OSBPL3: variants seen among roughly 807,000 people sequenced by gnomAD.
The protein encoded by OSBPL3 is oxysterol-binding protein-related protein 3.
A neutral mutation model predicts 120.1 loss-of-function variants in OSBPL3; 65 were observed. The observed-to-expected ratio is 0.54, with a 90% CI of 0.44 to 0.67. OSBPL3 has a LOEUF of 0.67. OSBPL3 is among the 30% of genes least tolerant of loss of function. The pLI, the probability that OSBPL3 is intolerant of heterozygous loss-of-function variation, is 0.00. For synonymous variants in OSBPL3, 416 were observed against 402.6 expected (o/e 1.03, Z -0.40); for missense variants, 1,004 against 1,082.1 (o/e 0.93, Z 1.01).
rs910242754 is a variant in OSBPL3 at position 24,806,565 on chromosome 7, G to A, written c.2444+211C>T. Among the ~76,000 whole-genome samples, 5 of 152,132 alleles carry A rather than the reference G, an allele frequency of 3.3e-5. No homozygotes were observed. Among genetic ancestry groups the A allele is most frequent in the Non-Finnish European group, 5.9e-5 (4 of 68,022 alleles). ...TTTTTGGCATTTCAATGCAAATGGG[G>A]CTTTACAGATAATAAAGGCCATGCC... On this transcript the variant is annotated intron_variant, in intron 21 of 22. Transcript: ENST00000313367. The surrounding 1 kb of genome is among the most constrained non-coding windows in gnomAD (Gnocchi z 5.2).
chr7:24,914,312 C>T (rs1364481058), intron 1 of OSBPL3, among the ~76,000 whole-genome samples: 1 of 151,886 alleles, frequency 6.6e-6, no homozygotes, highest in Non-Finnish European at 1.5e-5. Flanking sequence ...CAGCCAGTAG[C>T]ATCTACTAGC....
chr7:24,946,082 A>G lies in OSBPL3; in HGVS notation c.-150+33804T>C, dbSNP rs1226824510. Among the ~76,000 whole-genome samples, 1 of 152,118 alleles carries G rather than the reference A, an allele frequency of 6.6e-6. No individual in the cohort carries two copies. Among genetic ancestry groups the G allele is most frequent in the Non-Finnish European group, 1.5e-5 (1 of 68,024 alleles). ...GAGTCATCTGAAGGCTCAGCTGGGTAGGTGTCCTAGGTGGCTCCCTCCCAA... is the reference window on the plus strand; with the variant it reads ...GAGTCATCTGAAGGCTCAGCTGGGTGGGTGTCCTAGGTGGCTCCCTCCCAA... On this transcript the variant is annotated intron_variant, in intron 1 of 22. Coordinates refer to ENST00000313367, the MANE Select transcript of OSBPL3 (RefSeq NM_015550.4). The surrounding 1 kb of genome is among the most constrained non-coding windows in gnomAD (Gnocchi z 4.3).
intron 1 of OSBPL3, among the ~76,000 whole-genome samples, chr7:24,927,228 T>G (rs1335906573): frequency 1.3e-5 from 2 of 152,134 alleles, no homozygotes; most frequent in Non-Finnish European, 2.9e-5. Context: ...AGCAGGGGAA[T>G]TGACAAAAAC....
rs527790076 is a variant in OSBPL3 at position 24,802,957 on chromosome 7, G to C, written c.2567+1358C>G. ...TTGAATATTTCAGGATGAAATTTTG[G>C]CCAGTTGATTTTCCATCACTAATAT... On this transcript the variant is annotated intron_variant, in intron 22 of 22. Transcript: ENST00000313367. The surrounding 1 kb of genome is among the most constrained non-coding windows in gnomAD (Gnocchi z 4.1). Among the ~76,000 whole-genome samples the C allele has an allele frequency of 6.6e-6, 1 of 151,988 alleles. No homozygotes were observed. Among genetic ancestry groups the C allele is most frequent in the East Asian group, 1.9e-4 (1 of 5,174 alleles).
At chr7:24,882,746 T>C (rs1017996190) in intron 2 of OSBPL3, among the ~76,000 whole-genome samples, 8 of 152,334 alleles carry the variant, frequency 5.3e-5, no homozygotes, top group Admixed American at 2.6e-4. Flanking sequence ...AACATGTTGT[T>C]GTCTTTGTAT....
At chr7:24,903,060 G>A (rs938019006) in intron 1 of OSBPL3, among the ~76,000 whole-genome samples, 3 of 152,212 alleles carry the variant, frequency 2.0e-5, no homozygotes, top group African/African-American at 7.2e-5. Context: ...AGTAAGACAA[G>A]GTGCTGCTGG....
chr7:24,978,874 G>A (rs1219073938), intron 1 of OSBPL3, among the ~76,000 whole-genome samples: 1 of 152,220 alleles, frequency 6.6e-6, no homozygotes, highest in Non-Finnish European at 1.5e-5. Flanking sequence ...GAGACTGGTG[G>A]CTTGTGAGGC....
chr7:24,803,182 A>G lies in OSBPL3; in HGVS notation c.2567+1133T>C, dbSNP rs1420687214. Among the ~76,000 whole-genome samples, 1 of 152,238 alleles carries G rather than the reference A, an allele frequency of 6.6e-6. No homozygotes were observed. Among genetic ancestry groups the G allele is most frequent in the Admixed American group, 6.5e-5 (1 of 15,280 alleles). On this transcript the variant is annotated intron_variant, in intron 22 of 22. Transcript: ENST00000313367. This position sits in a 1 kb window ranked among gnomAD's most constrained non-coding sequence, Gnocchi z 4.2. ...GTCCACTAAAAACAAACAAAAACACAAACAAAAAACATCCCAAAACAATGA... is the reference window on the plus strand; with the variant it reads ...GTCCACTAAAAACAAACAAAAACACGAACAAAAAACATCCCAAAACAATGA...
Position 24,870,713 on chromosome 7 carries a change from CA to C in OSBPL3, c.381+18del. The C allele has an allele frequency of 7.0e-7, 1 of 1,423,258 alleles. No homozygotes were observed. Among genetic ancestry groups the C allele is most frequent in the Non-Finnish European group, 9.9e-7 (1 of 1,005,410 alleles). 88.2% of individuals were successfully genotyped at this position (1,423,258 alleles called of 1,614,324 possible). On this transcript the variant is annotated intron_variant, in intron 5 of 22. Coordinates refer to ENST00000313367, the MANE Select transcript of OSBPL3 (RefSeq NM_015550.4). ...TTCCCCAACATAAGTGAACTCTGCA[CA>C]GTGGGAAGCAGCCTCACCTTCAGAT...
At position 24,946,302 on chromosome 7, in the gene OSBPL3, A is replaced by C. The variant is rs528917752; in HGVS notation, c.-150+33584T>G. On this transcript the variant is annotated intron_variant, in intron 1 of 22. Transcript: ENST00000313367. This position sits in a 1 kb window ranked among gnomAD's most constrained non-coding sequence, Gnocchi z 4.3. ...AATTGCACAGCCTTTTACAACCTAG[A>C]CTACTAAGTTGTCACATAGCGTTAT... Among the ~76,000 whole-genome samples the C allele has an allele frequency of 1.3e-5, 2 of 152,094 alleles. No homozygotes were observed. Among genetic ancestry groups the C allele is most frequent in the Non-Finnish European group, 2.9e-5 (2 of 68,004 alleles).
At chr7:24,853,613 G>T (rs1227710975) in intron 10 of OSBPL3, among the ~76,000 whole-genome samples, 1 of 152,134 alleles carries the variant, frequency 6.6e-6, no homozygotes, top group East Asian at 1.9e-4. Context: ...GATAAAAGTT[G>T]CTTCAATGCT....
intron 1 of OSBPL3, among the ~76,000 whole-genome samples, chr7:24,975,184 G>GA (rs1371919977): frequency 6.6e-6 from 1 of 152,080 alleles, no homozygotes; most frequent in Non-Finnish European, 1.5e-5. Flanking sequence ...CCGTAGATAT[G>GA]AAAAAATAGT....
chr7:24,924,247 A>G (rs1810757999), intron 1 of OSBPL3, among the ~76,000 whole-genome samples: 1 of 152,240 alleles, frequency 6.6e-6, no homozygotes, highest in Non-Finnish European at 1.5e-5. Flanking sequence ...AAAAATGTAC[A>G]CTGAAAATAA....
Position 24,817,629 on chromosome 7 carries a change from AG to A in OSBPL3, c.1949-942del, listed in dbSNP as rs1794634496. On this transcript the variant is annotated intron_variant, in intron 17 of 22. Coordinates refer to ENST00000313367, the MANE Select transcript of OSBPL3 (RefSeq NM_015550.4). This position sits in a 1 kb window ranked among gnomAD's most constrained non-coding sequence, Gnocchi z 4.0. ...ATGTGATTAGACATGGACCTTGCAA[AG>A]GCAATTGGAAGCCATATGGAGAATG... 6.6e-6 allele frequency among the ~76,000 whole-genome samples: 1 copy of A among 152,246 alleles called. No homozygotes were observed. The highest frequency in any genetic ancestry group is 2.4e-5 in the African/African-American group (1 of 41,472).
At chr7:24,869,474 C>G (rs761912955) in intron 5 of OSBPL3, among the ~76,000 whole-genome samples, 2 of 152,214 alleles carry the variant, frequency 1.3e-5, no homozygotes, top group Admixed American at 1.3e-4. Flanking sequence ...ATACTTCACA[C>G]CAGTCATTTG....
At position 24,873,509 on chromosome 7, in the gene OSBPL3, C is replaced by T. The variant is rs1358010934; in HGVS notation, c.97-1440G>A. 6.6e-6 allele frequency among the ~76,000 whole-genome samples: 1 copy of T among 152,022 alleles called. No homozygotes were observed. The highest frequency in any genetic ancestry group is 2.4e-5 in the African/African-American group (1 of 41,356). On this transcript the variant is annotated intron_variant, in intron 2 of 22. Coordinates refer to ENST00000313367, the MANE Select transcript of OSBPL3 (RefSeq NM_015550.4). The surrounding 1 kb of genome is among the most constrained non-coding windows in gnomAD (Gnocchi z 4.1). Reference sequence around the variant, plus strand: ...GAGTTTTAAAATATCACAGTGGTATCCCAAGATCTGGAGTTGTGAAAAAGA... The same window carrying T: ...GAGTTTTAAAATATCACAGTGGTATTCCAAGATCTGGAGTTGTGAAAAAGA...
chr7:24,814,664 G>A (rs2391002), intron 19 of OSBPL3, among the ~76,000 whole-genome samples: 3 of 151,994 alleles, frequency 2.0e-5, no homozygotes, highest in South Asian at 2.1e-4. Context: ...CTGCAGCCCC[G>A]GGCGACCACC....
chr7:24,842,189 T>C (rs1352621249), intron 13 of OSBPL3, 90 bp downstream of exon 13: 9 of 1,362,050 alleles, frequency 6.6e-6, no homozygotes, highest in Non-Finnish European at 9.2e-6. Flanking sequence ...GAGTTTAGTG[T>C]TTCTGATGAT....
In OSBPL3 at chr7:24,953,478, C is replaced by T. The variant is rs1283924364; in HGVS notation, c.-150+26408G>A. Among the ~76,000 whole-genome samples, 3 of 152,100 alleles carry T rather than the reference C, an allele frequency of 2.0e-5. No homozygotes were observed. The highest frequency in any genetic ancestry group is 6.5e-5 in the Admixed American group (1 of 15,284). ...TATTACGTATCTGCTGAATTGTAAT[C>T]AGACTTGAATAATCATCTTAAATAA... On this transcript the variant is annotated intron_variant, in intron 1 of 22. Transcript: ENST00000313367. This position sits in a 1 kb window ranked among gnomAD's most constrained non-coding sequence, Gnocchi z 4.3.
Sources: allele counts gnomAD v4.1 joint callset (sites outside exome capture counted in the v4.1 genomes callset), GRCh38; gene constraint gnomAD v4.1.1; non-coding constraint Gnocchi (gnomAD v3.1); transcripts MANE v1.5; gene names NCBI Gene and HGNC (gene_info 2026-07-23, HGNC 2026-07-21).